ESD: variants seen among roughly 807,000 people sequenced by gnomAD.
ESD encodes the protein esterase D.
A neutral mutation model predicts 38.1 loss-of-function variants in ESD; 34 were observed. The observed-to-expected ratio is 0.89, with a 90% CI of 0.68 to 1.19. The LOEUF (loss-of-function observed/expected upper bound fraction) is 1.19. Among genes scored for constraint, ESD ranks in the 50% most tolerant of loss-of-function variants. The pLI is 0.00. For missense variants in ESD, 334 were observed against 327.2 expected (o/e 1.02, Z -0.16); for synonymous variants, 97 against 107.0 (o/e 0.91, Z 0.58).
intron 2 of ESD, among the ~76,000 whole-genome samples, chr13:46,791,761 A>G (rs1190931920): frequency 1.3e-5 from 2 of 152,080 alleles, no homozygotes; most frequent in Admixed American, 1.3e-4. Flanking sequence ...AAGATTAAAA[A>G]TTGTTAATAG....
intron 8 of ESD, 51 bp downstream of exon 8, chr13:46,779,884 A>T: frequency 3.5e-6 from 5 of 1,437,096 alleles, no homozygotes; most frequent in Non-Finnish European, 4.8e-6. Context: ...CAACCTTTTA[A>T]ACAAACTTGA....
chr13:46,778,391 A>G (rs1874880343), intron 8 of ESD, among the ~76,000 whole-genome samples: 1 of 151,844 alleles, frequency 6.6e-6, no homozygotes, highest in Non-Finnish European at 1.5e-5. Flanking sequence ...TTAGAGTGGG[A>G]GAGGACCTAT....
rs1874835008 is a variant in ESD at position 46,777,443 on chromosome 13, T to G, written c.768+13A>C. The G allele has an allele frequency of 8.2e-6, 13 of 1,593,954 alleles. No individual in the cohort carries two copies. In the East Asian group the frequency reaches 2.7e-4, roughly 33 times the overall value. The stretch of plus-strand genomic sequence containing the variant: ...ACATTATCTAGATCAAGCTAAAGTT[T>G]CCTAATACTTGCCTCTTGCAATCGA... On this transcript the variant is annotated intron_variant, in intron 9 of 9. Coordinates refer to ENST00000378720, the MANE Select transcript of ESD (RefSeq NM_001984.2).
chr13:46,779,707 A>T (rs556628012), intron 8 of ESD, among the ~76,000 whole-genome samples: 1,907 of 142,496 alleles, frequency 0.013, 20 homozygotes, highest in Non-Finnish European at 0.021. Context: ...TTGTTGATTT[A>T]TATATATATA....
rs575649086 is a variant in ESD, at chr13:46,782,158, C to CA, written c.381+508dup. On this transcript the variant is annotated intron_variant, in intron 6 of 9. Coordinates refer to ENST00000378720, the MANE Select transcript of ESD (RefSeq NM_001984.2). ...ATTACGTGAAAACTAGTCATAGAAACAGTCTGGAACATACCAAAACATAAG... is the reference window on the plus strand; with the variant it reads ...ATTACGTGAAAACTAGTCATAGAAACAAGTCTGGAACATACCAAAACATAAG... 5.3e-3 allele frequency among the ~76,000 whole-genome samples: 803 copies of CA among 151,488 alleles called. 5 individuals are homozygous for CA. Among genetic ancestry groups the CA allele is most frequent in the Non-Finnish European group, 8.8e-3 (595 of 67,642 alleles).
chr13:46,771,299 A>C lies in ESD; in HGVS notation c.*117T>G, dbSNP rs1874593946. 1 of 620,126 alleles carries C rather than the reference A, an allele frequency of 1.6e-6. No homozygotes were observed. Among genetic ancestry groups the C allele is most frequent in the African/African-American group, 1.9e-5 (1 of 53,644 alleles). 38.4% of individuals were successfully genotyped at this position (620,126 alleles called of 1,614,324 possible). A position where few individuals can be genotyped will look rare whatever the true frequency, so the allele number is the denominator to read the frequency against. On this transcript the variant is annotated 3_prime_UTR_variant, in exon 10 of 10. Coordinates refer to ENST00000378720, the MANE Select transcript of ESD (RefSeq NM_001984.2). ...TCAGAGGTGATTCAACTATAGAATA[A>C]AGCCCTTTTAGCACTATAAAATCCA...
intron 3 of ESD, among the ~76,000 whole-genome samples, 155 bp from the exon 4 acceptor site, chr13:46,787,264 C>T (rs549167623): frequency 3.9e-5 from 6 of 151,956 alleles, no homozygotes; most frequent in South Asian, 4.1e-4. Flanking sequence ...TAACATTTAA[C>T]GAATATACTT....
intron 2 of ESD, 29 bp from the exon 3 acceptor site, chr13:46,791,449 T>C (rs1487153830): frequency 1.3e-6 from 2 of 1,539,216 alleles, no homozygotes; most frequent in Non-Finnish European, 1.8e-6. Context: ...CTCATTAATT[T>C]CCAGAGAATT....
chr13:46,779,486 T>C (rs1459410658), intron 8 of ESD, among the ~76,000 whole-genome samples: 1 of 151,488 alleles, frequency 6.6e-6, no homozygotes, highest in African/African-American at 2.4e-5. Flanking sequence ...ATACCCATTG[T>C]AGCATTTTGA....
chr13:46,778,600 T>C (rs1022356532), intron 8 of ESD, among the ~76,000 whole-genome samples: 4 of 151,798 alleles, frequency 2.6e-5, no homozygotes, highest in South Asian at 2.1e-4. Flanking sequence ...CTCCAATTAG[T>C]TGGTCTTTTA....
chr13:46,781,239 A>G (rs1283431917), intron 7 of ESD, among the ~76,000 whole-genome samples: 4 of 151,776 alleles, frequency 2.6e-5, no homozygotes, highest in Non-Finnish European at 5.9e-5. Flanking sequence ...AATAAAAACA[A>G]TTAAAGGAGA....
rs752375776 is a variant in ESD, at chr13:46,782,666, C to A, written c.381+1G>T. ...AATAATTACAATACAAATTAAATTA[C>A]CTCCTCTGTGACATAAGAGTACATT... On this transcript the variant is annotated splice_donor_variant, in intron 6 of 9. Coordinates refer to ENST00000378720, the MANE Select transcript of ESD (RefSeq NM_001984.2). LOFTEE classifies it high-confidence loss of function. The A allele has an allele frequency of 6.2e-7, 1 of 1,610,972 alleles. No individual in the cohort carries two copies. Among genetic ancestry groups the A allele is most frequent in the Non-Finnish European group, 8.5e-7 (1 of 1,178,192 alleles).
At chr13:46,794,654 G>A (rs1387733934) in intron 1 of ESD, among the ~76,000 whole-genome samples, 4 of 151,898 alleles carry the variant, frequency 2.6e-5, no homozygotes, top group Non-Finnish European at 4.4e-5. Context: ...CATTCTCTCA[G>A]ATTCCTTGGA....
chr13:46,772,935 T>TC (rs1874662504), intron 9 of ESD, among the ~76,000 whole-genome samples: 2 of 152,088 alleles, frequency 1.3e-5, no homozygotes, highest in Non-Finnish European at 2.9e-5. Flanking sequence ...CCGTCCACCT[T>TC]AGCCTCCCAA....
rs757307974 is a variant in ESD, at chr13:46,784,356, G to T, written c.158-6C>A. On this transcript the variant is annotated splice_region_variant and splice_polypyrimidine_tract_variant and intron_variant, in intron 4 of 9. Transcript: ENST00000378720. ...TTGCTCTGTGCAAGTTAAACCTGAA[G>T]ATAAAAAATATTGTTATTGGGCACA... is the stretch of plus-strand genomic sequence containing the variant. 8 of 1,589,394 alleles carry T rather than the reference G, an allele frequency of 5.0e-6. No homozygotes were observed. In the Admixed American group the frequency reaches 1.3e-4, roughly 27 times the overall value.
At chr13:46,778,316 C>A (rs557526953) in intron 8 of ESD, among the ~76,000 whole-genome samples, 4 of 151,988 alleles carry the variant, frequency 2.6e-5, no homozygotes, top group Admixed American at 2.6e-4. Flanking sequence ...TTGACCAAGA[C>A]AAACAACCAC....
At chr13:46,797,441 G>C (rs934585988), upstream of ESD, among the ~76,000 whole-genome samples, 4 of 152,244 alleles carry the variant, frequency 2.6e-5, no homozygotes, top group Non-Finnish European at 4.4e-5. Flanking sequence ...TGCGTGCTCA[G>C]ACTCTTCCCA....
chr13:46,782,794 A>G lies in ESD; in HGVS notation c.257-3T>C. On this transcript the variant is annotated splice_polypyrimidine_tract_variant and splice_region_variant and intron_variant, in intron 5 of 9. Transcript: ENST00000378720. ...TTCACCTTTAATATTGCAGCCACCT[A>G]TCAAGAAACAATCTTGTGGTTTCAT... 1 of 1,611,776 alleles carries G rather than the reference A, an allele frequency of 6.2e-7. No individual in the cohort carries two copies. Among genetic ancestry groups the G allele is most frequent in the Non-Finnish European group, 8.5e-7 (1 of 1,178,582 alleles).
At chr13:46,794,195 AAAAC>A (rs906379204) in intron 1 of ESD, among the ~76,000 whole-genome samples, 1 of 152,152 alleles carries the variant, frequency 6.6e-6, no homozygotes, top group African/African-American at 2.4e-5. Flanking sequence ...CAAAAACAGA[AAAAC>A]AATTTCACAG....
Sources: allele counts gnomAD v4.1 joint callset (sites outside exome capture counted in the v4.1 genomes callset), GRCh38; gene constraint gnomAD v4.1.1; transcripts MANE v1.5; gene names NCBI Gene and HGNC (gene_info 2026-07-23, HGNC 2026-07-21).